The following GLRX3 variants were observed in gnomAD, a reference collection of about 807,000 sequenced individuals.
GLRX3 encodes glutaredoxin-3.
A neutral mutation model predicts 49.5 loss-of-function variants in GLRX3; 22 were observed. The ratio of observed to expected loss-of-function variants is 0.44; its 90% CI spans 0.32 to 0.63. GLRX3 has a LOEUF of 0.63. Ranked by LOEUF, GLRX3 falls within the 30% of genes least tolerant of loss-of-function variation. The pLI, the probability that GLRX3 is intolerant of heterozygous loss-of-function variation, is 0.05. For missense variants in GLRX3, 385 were observed against 396.3 expected (o/e 0.97, Z 0.24); for synonymous variants, 133 against 140.0 (o/e 0.95, Z 0.35).
intron 1 of GLRX3, among the ~76,000 whole-genome samples, chr10:130,137,269 A>G (rs1221027134): frequency 6.6e-6 from 1 of 152,222 alleles, no homozygotes; most frequent in Admixed American, 6.5e-5. Context: ...AGAGGAATGC[A>G]TAGAAAGCGT....
chr10:130,178,649 C>A (rs961849759), intron 10 of GLRX3, among the ~76,000 whole-genome samples: 1 of 152,230 alleles, frequency 6.6e-6, no homozygotes, highest in South Asian at 2.1e-4. Context: ...CCAGTTGCTG[C>A]GTTTCCTAAT....
At chr10:130,153,547 C>T (rs1292151214) in intron 2 of GLRX3, among the ~76,000 whole-genome samples, 3 of 152,140 alleles carry the variant, frequency 2.0e-5, no homozygotes, top group Admixed American at 6.5e-5. Context: ...TTCTTTCTAA[C>T]GGGCCCCTCA....
intron 8 of GLRX3, among the ~76,000 whole-genome samples, chr10:130,174,142 A>G (rs764733707): frequency 2.0e-5 from 3 of 152,222 alleles, no homozygotes; most frequent in Non-Finnish European, 4.4e-5. Context: ...TAAAGCCACA[A>G]AGCTTTCATT....
At chr10:130,143,871 G>A (rs1862220358) in intron 1 of GLRX3, among the ~76,000 whole-genome samples, 1 of 151,888 alleles carries the variant, frequency 6.6e-6, no homozygotes, top group South Asian at 2.1e-4. Context: ...CTAATTTTTT[G>A]TGCTTTTAGT....
In GLRX3 at chr10:130,155,791, A is replaced by G. The variant is rs571396730; in HGVS notation, c.202-4204A>G. 3.3e-5 allele frequency among the ~76,000 whole-genome samples: 5 copies of G among 152,306 alleles called. No homozygotes were observed. In the East Asian group the frequency reaches 9.7e-4, roughly 29 times the overall value. Reference sequence around the variant, plus strand: ...TCCAGGAGAATGAGTGTGGATAGGCATAGAAGAGGACTCAGAACCAAGGCT... The same window carrying G: ...TCCAGGAGAATGAGTGTGGATAGGCGTAGAAGAGGACTCAGAACCAAGGCT... On this transcript the variant is annotated intron_variant, in intron 2 of 10. Coordinates refer to ENST00000331244, the MANE Select transcript of GLRX3 (RefSeq NM_006541.5).
At chr10:130,174,798 C>A (rs1002564069) in intron 8 of GLRX3, 69 bp from the exon 9 acceptor site, 1 of 961,588 alleles carries the variant, frequency 1.0e-6, no homozygotes, top group Non-Finnish European at 1.7e-6. Flanking sequence ...TTAAAAACAT[C>A]AAATGCATAG....
chr10:130,164,165 G>A (rs920003012), intron 4 of GLRX3, among the ~76,000 whole-genome samples: 1 of 152,152 alleles, frequency 6.6e-6, no homozygotes, highest in Non-Finnish European at 1.5e-5. Context: ...GAATTGTATG[G>A]TGTGTTATGA....
At chr10:130,156,909 A>G (rs1475400367) in intron 2 of GLRX3, among the ~76,000 whole-genome samples, 1 of 152,208 alleles carries the variant, frequency 6.6e-6, no homozygotes, top group East Asian at 1.9e-4. Flanking sequence ...TATAAATCCT[A>G]CTTTGACATG....
intron 3 of GLRX3, 100 bp from the exon 4 acceptor site, chr10:130,160,696 T>G (rs1571457): frequency 0.097 from 67,566 of 698,994 alleles, 3,718 homozygotes; most frequent in Middle Eastern, 0.15. Flanking sequence ...TTTCTTTTTT[T>G]ACATCTCCGG....
At position 130,151,032 on chromosome 10, in the gene GLRX3, A is replaced by G. The variant is rs544026746; in HGVS notation, c.201+5713A>G. 6.5e-4 allele frequency among the ~76,000 whole-genome samples: 99 copies of G among 152,078 alleles called. No individual in the cohort carries two copies. The Middle Eastern group carries it at 0.041, about 63-fold the overall frequency. On this transcript the variant is annotated intron_variant, in intron 2 of 10. Transcript: ENST00000331244. ...AACCTCTGCCTCCTGGGTTCAAGGA[A>G]TTCTCCTGCCTCAGCCTCCTGAGTA...
At chr10:130,170,263 G>A (rs929937113) in intron 7 of GLRX3, among the ~76,000 whole-genome samples, 3 of 152,156 alleles carry the variant, frequency 2.0e-5, no homozygotes, top group Non-Finnish European at 4.4e-5. Flanking sequence ...GTTTTGAAAG[G>A]TGAGGCTGTT....
chr10:130,139,196 G>A (rs1268080843), intron 1 of GLRX3, among the ~76,000 whole-genome samples: 2 of 151,830 alleles, frequency 1.3e-5, no homozygotes, highest in African/African-American at 2.4e-5. Flanking sequence ...TTTGGATGTT[G>A]TATCCTTGCC....
intron 4 of GLRX3, among the ~76,000 whole-genome samples, chr10:130,161,538 A>G (rs977438570): frequency 6.6e-6 from 1 of 152,074 alleles, no homozygotes; most frequent in Non-Finnish European, 1.5e-5. Context: ...TGTCATTTCC[A>G]GTTTATAGCT....
chr10:130,144,021 A>C (rs910674083), intron 1 of GLRX3, among the ~76,000 whole-genome samples: 3 of 152,124 alleles, frequency 2.0e-5, no homozygotes, highest in African/African-American at 7.2e-5. Context: ...TTGTAGCATA[A>C]TATTAAAAAG....
intron 8 of GLRX3, among the ~76,000 whole-genome samples, chr10:130,174,430 G>A (rs1862875109): frequency 6.6e-6 from 1 of 152,242 alleles, no homozygotes; most frequent in Non-Finnish European, 1.5e-5. Flanking sequence ...CCAGGGGTTG[G>A]CAAGTTGCAG....
In GLRX3 at chr10:130,140,787, A is replaced by G. The variant is rs147367558; in HGVS notation, c.92+4275A>G. Among the ~76,000 whole-genome samples the G allele has an allele frequency of 5.3e-3, 811 of 152,250 alleles. 2 individuals carry two copies. Among genetic ancestry groups the G allele is most frequent in the African/African-American group, 0.018 (767 of 41,544 alleles). On this transcript the variant is annotated intron_variant, in intron 1 of 10. Transcript: ENST00000331244. ...TCCTGTGGCGTTGAAAGTTCTTTGA[A>G]AATTTGATTTGTAATGGCTTTATGT...
chr10:130,137,018 A>G (rs1346970042), intron 1 of GLRX3, among the ~76,000 whole-genome samples: 1 of 152,216 alleles, frequency 6.6e-6, no homozygotes, highest in East Asian at 1.9e-4. Flanking sequence ...GCCTCCCTTC[A>G]GGAACGCCCC....
At chr10:130,156,372 C>T (rs1451243180) in intron 2 of GLRX3, among the ~76,000 whole-genome samples, 1 of 152,174 alleles carries the variant, frequency 6.6e-6, no homozygotes, top group Non-Finnish European at 1.5e-5. Context: ...CCAAAGGCCC[C>T]TCTTAATTGC....
chr10:130,151,445 A>G (rs952616043), intron 2 of GLRX3, among the ~76,000 whole-genome samples: 2 of 152,150 alleles, frequency 1.3e-5, no homozygotes, highest in African/African-American at 4.8e-5. Flanking sequence ...ATAGGTATAC[A>G]TGTGCCATGT....
Sources: gnomAD v4.1 joint callset for allele counts (sites outside exome capture counted in the v4.1 genomes callset) on GRCh38, gnomAD v4.1.1 for gene constraint, MANE v1.5 for transcripts, NCBI Gene and HGNC (gene_info 2026-07-23, HGNC 2026-07-21) for gene names.